Variants in ADGRL3 observed in about 807,000 individuals in gnomAD.
ADGRL3 encodes the protein adhesion G protein-coupled receptor L3.
In ADGRL3, 62 loss-of-function variants were observed where a neutral mutation model predicts 153.5. That is an observed-to-expected ratio of 0.40 (90% CI 0.33 to 0.50). The LOEUF (loss-of-function observed/expected upper bound fraction) is 0.50, where lower values mean the gene tolerates loss of function less well. Among genes scored for constraint, ADGRL3 ranks in the 20% least tolerant of loss-of-function variants. ADGRL3 has a pLI of 0.47. For missense variants in ADGRL3, 1,641 were observed against 1,859.4 expected, an observed-to-expected ratio of 0.88 and a Z score of 2.16; for synonymous variants, 710 against 672.5, an observed-to-expected ratio of 1.06 and a Z score of -0.86.
chr4:61,882,236 T>C (rs1221473783), intron 9 of ADGRL3, among the ~76,000 whole-genome samples: 1 of 152,176 alleles, frequency 6.6e-6, no homozygotes, highest in Non-Finnish European at 1.5e-5. Flanking sequence ...TTCATTTCAC[T>C]ACAATGAAGA....
chr4:61,394,107 C>T (rs745486299), intron 2 of ADGRL3, among the ~76,000 whole-genome samples: 25 of 151,938 alleles, frequency 1.6e-4, no homozygotes, highest in Non-Finnish European at 2.2e-4. Context: ...TCTAAGAGTA[C>T]GGTCATGGTA....
At chr4:61,834,512 C>T (rs1042068926) in intron 9 of ADGRL3, among the ~76,000 whole-genome samples, 2 of 152,118 alleles carry the variant, frequency 1.3e-5, no homozygotes, top group African/African-American at 4.8e-5. Context: ...ATTTCTAGTT[C>T]AAGATCCCTG....
chr4:61,393,786 G>A (rs1244330920), intron 2 of ADGRL3, among the ~76,000 whole-genome samples: 2 of 152,000 alleles, frequency 1.3e-5, no homozygotes, highest in Non-Finnish European at 2.9e-5. Flanking sequence ...GAGGAATGAA[G>A]AATAAAATAT....
intron 4 of ADGRL3, among the ~76,000 whole-genome samples, chr4:61,546,393 T>G (rs543281601): frequency 1.6e-4 from 24 of 152,208 alleles, no homozygotes; most frequent in Admixed American, 3.3e-4. Context: ...AAGCCAGTTG[T>G]TAAAACCAAC....
At chr4:61,561,069 G>A (rs1328174550) in intron 4 of ADGRL3, among the ~76,000 whole-genome samples, 1 of 152,030 alleles carries the variant, frequency 6.6e-6, no homozygotes, top group Non-Finnish European at 1.5e-5. Context: ...TATTAATAAG[G>A]TTGATCAGTA....
At chr4:61,932,411 CT>C (rs1010985310) in intron 13 of ADGRL3, among the ~76,000 whole-genome samples, 11 of 152,084 alleles carry the variant, frequency 7.2e-5, no homozygotes, top group Non-Finnish European at 1.6e-4. Flanking sequence ...TTGTCAAACA[CT>C]TTTTATGCAT....
At chr4:61,269,041 A>C (rs1382599390) in intron 1 of ADGRL3, among the ~76,000 whole-genome samples, 1 of 151,632 alleles carries the variant, frequency 6.6e-6, no homozygotes, top group Non-Finnish European at 1.5e-5. Flanking sequence ...GTCAGACATA[A>C]TGGATTCTTG....
intron 8 of ADGRL3, among the ~76,000 whole-genome samples, chr4:61,744,598 C>A (rs1037588449): frequency 6.6e-6 from 1 of 152,232 alleles, no homozygotes; most frequent in Non-Finnish European, 1.5e-5. Flanking sequence ...GGTACCCAGG[C>A]AAACAGGGTC....
At chr4:61,688,483 A>G (rs2095485088) in intron 6 of ADGRL3, among the ~76,000 whole-genome samples, 1 of 152,118 alleles carries the variant, frequency 6.6e-6, no homozygotes, top group Admixed American at 6.6e-5. Flanking sequence ...ATGATAATCA[A>G]TTTACAGAGT....
rs147523561 is a variant in ADGRL3, at chr4:61,425,852, A to G, written c.-174+42663A>G. On this transcript the variant is annotated intron_variant, in intron 2 of 26. Coordinates refer to ENST00000683033, the MANE Select transcript of ADGRL3 (RefSeq NM_001387552.1). The stretch of plus-strand genomic sequence containing the variant: ...GGGCTATGGTAGCCAACCATCTGCA[A>G]TGGGCCTTCGAGAGTCCATGGCCAA... Among the ~76,000 whole-genome samples the G allele has an allele frequency of 2.6e-4, 40 of 152,374 alleles. No homozygotes were observed. In the East Asian group the frequency reaches 7.5e-3, roughly 29 times the overall value.
chr4:61,408,177 C>T lies in ADGRL3; in HGVS notation c.-174+24988C>T, dbSNP rs1332088963. Among the ~76,000 whole-genome samples, 26 of 152,142 alleles carry T rather than the reference C, an allele frequency of 1.7e-4. 1 individual carries two copies. The highest frequency in any genetic ancestry group is 3.4e-3 in the Middle Eastern group (1 of 294). ...CAGGGAAATCTCACCAGAATTTAAACTTCTGCAAGGTTTTTTTTAAAGATC... is the reference window on the plus strand; with the variant it reads ...CAGGGAAATCTCACCAGAATTTAAATTTCTGCAAGGTTTTTTTTAAAGATC... On this transcript the variant is annotated intron_variant, in intron 2 of 26. Transcript: ENST00000683033.
At chr4:61,472,091 GT>G (rs1288996455) in intron 2 of ADGRL3, among the ~76,000 whole-genome samples, 1 of 151,998 alleles carries the variant, frequency 6.6e-6, no homozygotes, top group Non-Finnish European at 1.5e-5. Flanking sequence ...CTGCTATTGT[GT>G]TTAAAGGCAT....
intron 1 of ADGRL3, among the ~76,000 whole-genome samples, chr4:61,260,883 G>T (rs1457845284): frequency 1.3e-5 from 2 of 151,882 alleles, no homozygotes; most frequent in Non-Finnish European, 2.9e-5. Flanking sequence ...GTACCACCAT[G>T]CCTAACTAAT....
intron 1 of ADGRL3, among the ~76,000 whole-genome samples, chr4:61,379,744 T>C (rs1376007248): frequency 6.6e-6 from 1 of 152,086 alleles, no homozygotes; most frequent in African/African-American, 2.4e-5. Flanking sequence ...TAATTTATAA[T>C]GGGATTCCTG....
At chr4:61,609,426 T>C (rs1358882654) in intron 5 of ADGRL3, among the ~76,000 whole-genome samples, 1 of 152,158 alleles carries the variant, frequency 6.6e-6, no homozygotes, top group Non-Finnish European at 1.5e-5. Flanking sequence ...TAAAGTCATT[T>C]ATGAGTAAGA....
rs371574219 is a variant in ADGRL3 at position 61,847,868 on chromosome 4, A to T, written c.1480+33979A>T. Among the ~76,000 whole-genome samples, 48 of 17,914 alleles carry T rather than the reference A, an allele frequency of 2.7e-3. 1 individual carries two copies. The highest frequency in any genetic ancestry group is 4.8e-3 in the Admixed American group (5 of 1,052). 11.8% of individuals were successfully genotyped at this position (17,914 alleles called of 152,430 possible). ...TATAAAATATATTATATATAATATA[A>T]AATATATTATATATAATATAAAATA... On this transcript the variant is annotated intron_variant, in intron 9 of 26. Coordinates refer to ENST00000683033, the MANE Select transcript of ADGRL3 (RefSeq NM_001387552.1).
intron 9 of ADGRL3, among the ~76,000 whole-genome samples, chr4:61,841,799 G>A (rs748245786): frequency 3.3e-5 from 5 of 152,058 alleles, no homozygotes; most frequent in Non-Finnish European, 5.9e-5. Flanking sequence ...TGAAAGTTTC[G>A]AGTTCCTTGC....
intron 4 of ADGRL3, among the ~76,000 whole-genome samples, chr4:61,550,236 C>T (rs904131438): frequency 2.0e-5 from 3 of 149,996 alleles, no homozygotes; most frequent in Non-Finnish European, 4.4e-5. Flanking sequence ...ACTTTGGGAT[C>T]CAGTTGAGGT....
intron 8 of ADGRL3, among the ~76,000 whole-genome samples, chr4:61,753,217 C>G (rs2096778312): frequency 7.2e-6 from 1 of 138,348 alleles, no homozygotes; most frequent in South Asian, 2.3e-4. Flanking sequence ...TTTAGTAAGG[C>G]ACATTTCTGT....
Sources: allele counts gnomAD v4.1 joint callset (sites outside exome capture counted in the v4.1 genomes callset), GRCh38; gene constraint gnomAD v4.1.1; transcripts MANE v1.5; gene names NCBI Gene and HGNC (gene_info 2026-07-23, HGNC 2026-07-21).